The following RBFOX3 variants were observed in gnomAD, a reference collection of about 807,000 sequenced individuals.
RBFOX3 encodes RNA binding protein fox-1 homolog 3.
RBFOX3 carries 17 observed loss-of-function variants against 48.7 expected under a neutral mutation model. That is an observed-to-expected ratio of 0.35 (90% CI 0.24 to 0.52). The LOEUF (loss-of-function observed/expected upper bound fraction) is 0.52. Ranked by LOEUF, RBFOX3 falls within the 20% of genes least tolerant of loss-of-function variation. The pLI is 0.94. For synonymous variants in RBFOX3, 212 were observed against 209.5 expected (o/e 1.01, Z -0.10); for missense variants, 382 against 497.5 (o/e 0.77, Z 2.21).
intron 3 of RBFOX3, among the ~76,000 whole-genome samples, chr17:79,305,685 C>G (rs1451419071): frequency 6.6e-6 from 1 of 152,250 alleles, no homozygotes; most frequent in Non-Finnish European, 1.5e-5. Flanking sequence ...GGGGCTGTAC[C>G]AGCTACACAG....
At chr17:79,649,638 G>A in the RBFOX3 span, among the ~76,000 whole-genome samples, 47 of 152,342 alleles carry the variant, frequency 3.1e-4, no homozygotes, top group Admixed American at 2.8e-3. Flanking sequence ...CCTGGGAGGC[G>A]GAGGTTGCAG....
intron 1 of RBFOX3, among the ~76,000 whole-genome samples, chr17:79,589,948 C>G (rs1382720755): frequency 2.0e-5 from 3 of 152,114 alleles, no homozygotes; most frequent in Non-Finnish European, 4.4e-5. Context: ...AAATGAAGCC[C>G]TCAGATTAAA....
chr17:79,382,243 G>A (rs1410493975), intron 2 of RBFOX3, among the ~76,000 whole-genome samples: 4 of 152,164 alleles, frequency 2.6e-5, no homozygotes, highest in African/African-American at 4.8e-5. Context: ...CCAGGCACTC[G>A]TTCATCTGCT....
chr17:79,286,681 G>A (rs1381818769), intron 3 of RBFOX3, among the ~76,000 whole-genome samples: 1 of 152,212 alleles, frequency 6.6e-6, no homozygotes, highest in East Asian at 1.9e-4. Context: ...CTGATTCCGT[G>A]ACTTTCTGGT....
rs999227341 is a variant in RBFOX3, at chr17:79,525,935, C to T, written c.-319-43337G>A. Among the ~76,000 whole-genome samples, 272 of 152,312 alleles carry T rather than the reference C, an allele frequency of 1.8e-3. 7 individuals are homozygous for T. The Middle Eastern group carries it at 0.02, about 11-fold the overall frequency. ...AGAAAAGTGGCTGGATTCAGTAGGA[C>T]GAGCTGGCTGTGGAGACAAGCCACC... is the stretch of plus-strand genomic sequence containing the variant. On this transcript the variant is annotated intron_variant, in intron 1 of 14. Coordinates refer to ENST00000693108, the MANE Select transcript of RBFOX3 (RefSeq NM_001350451.2).
At chr17:79,282,002 G>C (rs1198637900) in intron 3 of RBFOX3, among the ~76,000 whole-genome samples, 6 of 152,178 alleles carry the variant, frequency 3.9e-5, no homozygotes, top group Non-Finnish European at 8.8e-5. Flanking sequence ...AATATATCTG[G>C]AAAGAAAACA....
chr17:79,300,466 TTTC>T (rs1216463354), intron 3 of RBFOX3, among the ~76,000 whole-genome samples: 1 of 152,192 alleles, frequency 6.6e-6, no homozygotes, highest in Non-Finnish European at 1.5e-5. Flanking sequence ...ATCTCTTTGA[TTTC>T]TTAATAAAAA....
At chr17:79,642,749 G>GGACAC in the RBFOX3 span, among the ~76,000 whole-genome samples, 1 of 152,084 alleles carries the variant, frequency 6.6e-6, no homozygotes, top group South Asian at 2.1e-4. Flanking sequence ...AAATGCACGA[G>GGACAC]AAACAGAGGA....
At chr17:79,128,000 G>A (rs1169442484) in intron 4 of RBFOX3, among the ~76,000 whole-genome samples, 1 of 152,222 alleles carries the variant, frequency 6.6e-6, no homozygotes, top group Non-Finnish European at 1.5e-5. Context: ...GCAATGGTGT[G>A]CGTGAATCTG....
chr17:79,639,418 T>G, the RBFOX3 span, among the ~76,000 whole-genome samples: 1 of 152,148 alleles, frequency 6.6e-6, no homozygotes, highest in African/African-American at 2.4e-5. Context: ...CCTCGTGATC[T>G]GCCTACCTTG....
chr17:79,500,250 CTTTTTTT>C (rs1222646327), intron 1 of RBFOX3, among the ~76,000 whole-genome samples: 2 of 104,244 alleles, frequency 1.9e-5, no homozygotes, highest in Non-Finnish European at 3.8e-5. Context: ...AGAGAAATGA[CTTTTTTT>C]TTTTTTTTTT....
Position 79,254,026 on chromosome 17 carries a change from G to A in RBFOX3, c.-73-18221C>T, listed in dbSNP as rs2064387342. Among the ~76,000 whole-genome samples the A allele has an allele frequency of 6.6e-6, 1 of 152,186 alleles. No individual in the cohort carries two copies. The highest frequency in any genetic ancestry group is 6.5e-5 in the Admixed American group (1 of 15,284). On this transcript the variant is annotated intron_variant, in intron 3 of 14. Coordinates refer to ENST00000693108, the MANE Select transcript of RBFOX3 (RefSeq NM_001350451.2). This position sits in a 1 kb window ranked among gnomAD's most constrained non-coding sequence, Gnocchi z 4.8. ...CACGCAGCCTCTGAGGGCGGGTATG[G>A]GAGGGAGCCTTCTCCCCAGCTGGTG...
At chr17:79,646,528 G>C in the RBFOX3 span, among the ~76,000 whole-genome samples, 3 of 152,100 alleles carry the variant, frequency 2.0e-5, no homozygotes, top group Non-Finnish European at 4.4e-5. Flanking sequence ...GTGTGTGCAG[G>C]GGAACTCACA....
intron 1 of RBFOX3, among the ~76,000 whole-genome samples, chr17:79,569,512 G>GT (rs1324990830): frequency 2.0e-5 from 3 of 152,208 alleles, no homozygotes; most frequent in African/African-American, 7.2e-5. Flanking sequence ...TCACTATTGT[G>GT]TGGTGAATGA....
At chr17:79,621,358 C>T in the RBFOX3 span, among the ~76,000 whole-genome samples, 1 of 152,194 alleles carries the variant, frequency 6.6e-6, no homozygotes, top group Admixed American at 6.5e-5. Flanking sequence ...TTGATCCAAG[C>T]TGGGGGAAAC....
intron 10 of RBFOX3, 37 bp downstream of exon 10, chr17:79,097,655 T>A: frequency 7.2e-7 from 1 of 1,381,388 alleles, no homozygotes; most frequent in Non-Finnish European, 9.8e-7. Flanking sequence ...GCCAAGTAGC[T>A]GGTCTCATCC....
intron 2 of RBFOX3, among the ~76,000 whole-genome samples, chr17:79,340,730 AAAGT>A (rs147571784): frequency 0.01 from 1,597 of 152,342 alleles, 40 homozygotes; most frequent in African/African-American, 0.036. Context: ...ATGAAAAAAA[AAAGT>A]AAGGAAAAGA....
intron 2 of RBFOX3, among the ~76,000 whole-genome samples, chr17:79,310,870 G>T (rs2076756952): frequency 6.6e-6 from 1 of 152,152 alleles, no homozygotes; most frequent in African/African-American, 2.4e-5. Context: ...AGCTCTTGGG[G>T]TCTCGGGGCA....
At chr17:79,284,376 A>T (rs563552546) in intron 3 of RBFOX3, among the ~76,000 whole-genome samples, 2 of 152,160 alleles carry the variant, frequency 1.3e-5, no homozygotes, top group South Asian at 4.1e-4. Context: ...TGTTATTCCA[A>T]ATCCACAACC....
Sources: gnomAD v4.1 joint callset for allele counts (sites outside exome capture counted in the v4.1 genomes callset) on GRCh38, gnomAD v4.1.1 for gene constraint, Gnocchi (gnomAD v3.1) non-coding constraint, MANE v1.5 for transcripts, NCBI Gene and HGNC (gene_info 2026-07-23, HGNC 2026-07-21) for gene names.